TJP2: variants seen among roughly 807,000 people sequenced by gnomAD.
TJP2 encodes Friedreich ataxia region gene X104 (tight junction protein ZO-2).
In TJP2, 91 loss-of-function variants were observed where a neutral mutation model predicts 133.1. That is an observed-to-expected ratio of 0.68 (90% CI 0.58 to 0.81). The LOEUF (loss-of-function observed/expected upper bound fraction) is 0.81, where lower values mean the gene tolerates loss of function less well. TJP2 is among the 40% of genes least tolerant of loss of function. The pLI, the probability that TJP2 is intolerant of heterozygous loss-of-function variation, is 0.00. For missense variants in TJP2, 1,541 were observed against 1,565.6 expected, an observed-to-expected ratio of 0.98 and a Z score of 0.26; for synonymous variants, 592 against 583.4, an observed-to-expected ratio of 1.01 and a Z score of -0.21.
chr9:69,206,828 C>A (rs7045103), intron 1 of TJP2, among the ~76,000 whole-genome samples: 1 of 151,982 alleles, frequency 6.6e-6, no homozygotes, highest in Non-Finnish European at 1.5e-5. Context: ...CCACCCGCCT[C>A]GGCCTCCCAA....
In TJP2 at chr9:69,236,933, C is replaced by T. The variant is rs369447049; in HGVS notation, c.1992-16C>T. 70 of 1,613,818 alleles carry T rather than the reference C, an allele frequency of 4.3e-5. No individual in the cohort carries two copies. The highest frequency in any genetic ancestry group is 5.5e-5 in the Non-Finnish European group (65 of 1,179,854). On this transcript the variant is annotated splice_polypyrimidine_tract_variant and intron_variant, in intron 13 of 22. Transcript: ENST00000377245. The stretch of plus-strand genomic sequence containing the variant: ...TTTCTGGCTTTAGAGATTTACTTCC[C>T]GTGGTTTCTTCTCAGAGCTGAACAA...
chr9:69,195,946 A>G (rs1342229201), intron 1 of TJP2, among the ~76,000 whole-genome samples: 1 of 152,216 alleles, frequency 6.6e-6, no homozygotes, highest in Non-Finnish European at 1.5e-5. Context: ...CCAAGCACCA[A>G]CAATCATGTT....
intron 2 of TJP2, among the ~76,000 whole-genome samples, chr9:69,154,642 A>C (rs1269760071): frequency 1.3e-5 from 2 of 151,078 alleles, no homozygotes; most frequent in Non-Finnish European, 3.0e-5. Flanking sequence ...AAAAAAAAGA[A>C]GGCCAGGCAT....
intron 1 of TJP2, among the ~76,000 whole-genome samples, chr9:69,134,947 G>GGAGAGA (rs148798484): frequency 6.7e-6 from 1 of 148,436 alleles, no homozygotes; most frequent in African/African-American, 2.5e-5. Flanking sequence ...AGAGAGAAGA[G>GGAGAGA]GAGAGAGAGA....
rs1475752505 is a variant in TJP2 at position 69,125,383 on chromosome 9, T to A, written c.-131+3658T>A. Among the ~76,000 whole-genome samples, 8 of 64,726 alleles carry A rather than the reference T, an allele frequency of 1.2e-4. 3 individuals are homozygous for A. The highest frequency in any genetic ancestry group is 3.9e-4 in the African/African-American group (8 of 20,334). 42.5% of individuals were successfully genotyped at this position (64,726 alleles called of 152,430 possible). ...GTGCACTGGTGCCATCTCAGCTCAC[T>A]GCAACCTCTGCCTCCTGGGTTCAAG... On this transcript the variant is annotated intron_variant, in intron 1 of 5. Transcript: ENST00000423935.
chr9:69,246,489 T>C (rs1008798097), intron 17 of TJP2: 1 of 597,672 alleles, frequency 1.7e-6, no homozygotes, highest in Non-Finnish European at 3.0e-6. Flanking sequence ...CCACCTATAA[T>C]GTGAACTCAA....
chr9:69,146,099 GT>G (rs1823200322), intron 1 of TJP2, among the ~76,000 whole-genome samples: 1 of 152,076 alleles, frequency 6.6e-6, no homozygotes, highest in South Asian at 2.1e-4. Flanking sequence ...TTTTGAAAAT[GT>G]TTTTTTAACA....
intron 18 of TJP2, among the ~76,000 whole-genome samples, 174 bp downstream of exon 18, chr9:69,246,964 T>TA (rs1381368659): frequency 6.6e-6 from 1 of 152,236 alleles, no homozygotes; most frequent in Non-Finnish European, 1.5e-5. Flanking sequence ...AAGGGACTTT[T>TA]AAAAGAAGAG....
intron 1 of TJP2, among the ~76,000 whole-genome samples, chr9:69,149,753 A>G (rs963847191): frequency 7.2e-5 from 11 of 152,214 alleles, no homozygotes; most frequent in African/African-American, 2.7e-4. Flanking sequence ...TGCAGGCTTC[A>G]TAAGAATTTG....
At chr9:69,209,645 T>C (rs1314276621) in intron 1 of TJP2, among the ~76,000 whole-genome samples, 2 of 150,906 alleles carry the variant, frequency 1.3e-5, no homozygotes, top group Non-Finnish European at 2.9e-5. Flanking sequence ...TCCCAACTAC[T>C]CGGGAGGCTG....
At chr9:69,172,278 A>G (rs1052633655), upstream of TJP2, among the ~76,000 whole-genome samples, 2 of 152,244 alleles carry the variant, frequency 1.3e-5, no homozygotes, top group African/African-American at 4.8e-5. Flanking sequence ...AATGCTTATC[A>G]TCTGTCAGGT....
chr9:69,170,580 G>A (rs1340969570), upstream of TJP2, among the ~76,000 whole-genome samples: 3 of 152,142 alleles, frequency 2.0e-5, no homozygotes, highest in East Asian at 5.8e-4. Flanking sequence ...CTAACCTCCA[G>A]TCGTATCTTT....
chr9:69,159,242 G>A (rs897421536), intron 2 of TJP2, among the ~76,000 whole-genome samples: 1 of 152,044 alleles, frequency 6.6e-6, no homozygotes, highest in Non-Finnish European at 1.5e-5. Context: ...CATCACTTGC[G>A]ACCAGGAGGT....
At chr9:69,181,936 A>G (rs1825542161) in intron 1 of TJP2, among the ~76,000 whole-genome samples, 1 of 152,252 alleles carries the variant, frequency 6.6e-6, no homozygotes, top group African/African-American at 2.4e-5. Context: ...AGCAACTGCA[A>G]CCATCTTGCA....
chr9:69,131,059 C>A (rs755113765), intron 1 of TJP2, among the ~76,000 whole-genome samples: 5 of 152,166 alleles, frequency 3.3e-5, no homozygotes, highest in African/African-American at 4.8e-5. Context: ...AAAGGGAATT[C>A]TTTTAGTCTT....
At chr9:69,235,307 A>T (rs1348793708) in intron 12 of TJP2, among the ~76,000 whole-genome samples, 7 of 50,998 alleles carry the variant, frequency 1.4e-4, no homozygotes, top group African/African-American at 7.6e-4. Context: ...TTATTTATTT[A>T]TTTATTTATT....
At chr9:69,187,410 A>G (rs1268921012) in intron 1 of TJP2, among the ~76,000 whole-genome samples, 1 of 152,184 alleles carries the variant, frequency 6.6e-6, no homozygotes, top group Non-Finnish European at 1.5e-5. Context: ...TGTGTTGTCA[A>G]AACTGGGATG....
chr9:69,252,161 A>C (rs1002062950), intron 21 of TJP2, among the ~76,000 whole-genome samples: 1 of 151,666 alleles, frequency 6.6e-6, no homozygotes, highest in Admixed American at 6.6e-5. Flanking sequence ...CACCCAGCTA[A>C]TTTTTCGTAT....
intron 1 of TJP2, among the ~76,000 whole-genome samples, chr9:69,188,550 G>A (rs1391817614): frequency 6.6e-6 from 1 of 152,118 alleles, no homozygotes; most frequent in Non-Finnish European, 1.5e-5. Flanking sequence ...AAACATCATC[G>A]CTGAAAGTGC....
Sources: allele counts gnomAD v4.1 joint callset (sites outside exome capture counted in the v4.1 genomes callset), GRCh38; gene constraint gnomAD v4.1.1; transcripts MANE v1.5; gene names NCBI Gene and HGNC (gene_info 2026-07-23, HGNC 2026-07-21).